Variants in CDH12 observed in about 807,000 individuals in gnomAD.
CDH12 encodes cadherin 12.
Under a neutral mutation model 74.1 loss-of-function variants are expected in CDH12, and 41 were observed. That is an observed-to-expected ratio of 0.55 (90% CI 0.43 to 0.72). CDH12 has a LOEUF of 0.72. CDH12 is among the 30% of genes least tolerant of loss of function. The probability of loss-of-function intolerance (pLI) is 0.00; values close to 1 mark genes in which losing one functional copy is unlikely to be tolerated. For missense variants in CDH12, 945 were observed against 977.2 expected (o/e 0.97, Z 0.44); for synonymous variants, 399 against 355.0 (o/e 1.12, Z -1.39).
intron 2 of CDH12, among the ~76,000 whole-genome samples, chr5:22,473,326 C>T (rs910518485): frequency 2.6e-5 from 4 of 152,102 alleles, no homozygotes; most frequent in African/African-American, 9.7e-5. Flanking sequence ...CACCTATTAA[C>T]ACACACTACA....
intron 3 of CDH12, among the ~76,000 whole-genome samples, chr5:22,368,808 T>TGG (rs1280692274): frequency 7.7e-6 from 1 of 130,308 alleles, no homozygotes; most frequent in Non-Finnish European, 1.8e-5. Flanking sequence ...GGTCTTAGGG[T>TGG]GTGAGCTACC....
chr5:22,705,612 A>G (rs1174227955), intron 1 of CDH12, among the ~76,000 whole-genome samples: 1 of 151,998 alleles, frequency 6.6e-6, no homozygotes, highest in African/African-American at 2.4e-5. Flanking sequence ...ACAATATTAT[A>G]GTATTTTTGG....
intron 1 of CDH12, among the ~76,000 whole-genome samples, chr5:22,813,675 T>C (rs1749254448): frequency 6.6e-6 from 1 of 152,118 alleles, no homozygotes; most frequent in African/African-American, 2.4e-5. Context: ...AAAAGTCATC[T>C]CGGGGTGGCT....
rs138120571 is a variant in CDH12 at position 22,043,651 on chromosome 5, G to C, written c.231+34795C>G. 4.2e-4 allele frequency among the ~76,000 whole-genome samples: 64 copies of C among 151,588 alleles called. 1 individual carries two copies. The highest frequency in any genetic ancestry group is 5.3e-4 in the Non-Finnish European group (36 of 67,912). ...CAAATAGGAAAGCAGAACATTCACT[G>C]TCCCTGTTTGCAGATGACATGATCT... On this transcript the variant is annotated intron_variant, in intron 5 of 14. Transcript: ENST00000382254.
At chr5:22,331,589 A>C (rs1242661609) in intron 3 of CDH12, among the ~76,000 whole-genome samples, 1 of 152,202 alleles carries the variant, frequency 6.6e-6, no homozygotes, top group Admixed American at 6.5e-5. Context: ...CAGGATGTAA[A>C]GACCAGATAT....
intron 5 of CDH12, among the ~76,000 whole-genome samples, chr5:22,026,850 T>C (rs1738394010): frequency 6.6e-6 from 1 of 152,182 alleles, no homozygotes; most frequent in South Asian, 2.1e-4. Context: ...CAGCAAAGGT[T>C]AGAACCTGTA....
At chr5:22,436,490 C>T (rs1340076728) in intron 2 of CDH12, among the ~76,000 whole-genome samples, 4 of 150,758 alleles carry the variant, frequency 2.7e-5, no homozygotes, top group Non-Finnish European at 5.9e-5. Context: ...GAAAAAAAAA[C>T]TCTGCTCCCT....
At chr5:22,438,892 C>T (rs1172151139) in intron 2 of CDH12, among the ~76,000 whole-genome samples, 1 of 151,388 alleles carries the variant, frequency 6.6e-6, no homozygotes, top group Non-Finnish European at 1.5e-5. Context: ...ATTTAATAAT[C>T]TTAATATATA....
At chr5:22,331,194 C>T (rs1739336890) in intron 3 of CDH12, among the ~76,000 whole-genome samples, 1 of 152,120 alleles carries the variant, frequency 6.6e-6, no homozygotes, top group Non-Finnish European at 1.5e-5. Flanking sequence ...TTCCTGGCTG[C>T]CAGATAGCAT....
intron 2 of CDH12, among the ~76,000 whole-genome samples, chr5:22,467,835 A>G (rs1745797334): frequency 6.6e-6 from 1 of 152,208 alleles, no homozygotes; most frequent in Admixed American, 6.5e-5. Flanking sequence ...TGATGGGATC[A>G]TGACTCTTTT....
At chr5:22,413,742 A>G (rs1207136473) in intron 2 of CDH12, among the ~76,000 whole-genome samples, 1 of 152,136 alleles carries the variant, frequency 6.6e-6, no homozygotes, top group African/African-American at 2.4e-5. Flanking sequence ...AAGTTTATTC[A>G]CATTACTTTA....
chr5:22,355,860 T>G (rs1740545202), intron 3 of CDH12, among the ~76,000 whole-genome samples: 1 of 152,160 alleles, frequency 6.6e-6, no homozygotes, highest in Admixed American at 6.6e-5. Flanking sequence ...GGAGTCAAGT[T>G]ATTTATGACT....
chr5:22,221,915 C>T (rs1490039543), intron 3 of CDH12, among the ~76,000 whole-genome samples: 1 of 151,820 alleles, frequency 6.6e-6, no homozygotes, highest in East Asian at 1.9e-4. Flanking sequence ...AAGATGAAAG[C>T]TGGTCTTTTT....
chr5:21,959,938 A>G (rs2150109183), intron 6 of CDH12, among the ~76,000 whole-genome samples: 1 of 150,850 alleles, frequency 6.6e-6, no homozygotes, highest in East Asian at 2.0e-4. Context: ...AAAAAAAAAA[A>G]AAAAAAAGAC....
At chr5:22,314,908 TAAAAGCAG>T (rs1258831360) in intron 3 of CDH12, among the ~76,000 whole-genome samples, 1 of 141,810 alleles carries the variant, frequency 7.1e-6, no homozygotes, top group African/African-American at 2.6e-5. Flanking sequence ...CTCAAGTGGA[TAAAAGCAG>T]AAAAGCAGAG....
At chr5:22,594,136 C>A (rs1054219126) in intron 1 of CDH12, among the ~76,000 whole-genome samples, 1 of 152,114 alleles carries the variant, frequency 6.6e-6, no homozygotes, top group East Asian at 1.9e-4. Flanking sequence ...TAACAGATCC[C>A]TGTTATATTC....
chr5:22,399,515 T>C (rs1458846502), intron 3 of CDH12, among the ~76,000 whole-genome samples: 1 of 152,168 alleles, frequency 6.6e-6, no homozygotes, highest in South Asian at 2.1e-4. Flanking sequence ...ATCTGTTCCA[T>C]TGCCTACTTC....
intron 10 of CDH12, among the ~76,000 whole-genome samples, chr5:21,800,144 T>TTTCACAGCTGGAGA (rs924832193): frequency 2.0e-5 from 3 of 152,158 alleles, no homozygotes; most frequent in African/African-American, 7.2e-5. Flanking sequence ...ATTTATTTGG[T>TTTCACAGCTGGAGA]TTCACAGCTG....
At chr5:22,377,331 A>G (rs144757646) in intron 3 of CDH12, among the ~76,000 whole-genome samples, 93 of 152,138 alleles carry the variant, frequency 6.1e-4, no homozygotes, top group Non-Finnish European at 1.0e-3. Flanking sequence ...AGAGTTTATA[A>G]AAGTTTGGTA....
Sources: allele counts gnomAD v4.1 joint callset (sites outside exome capture counted in the v4.1 genomes callset), GRCh38; gene constraint gnomAD v4.1.1; transcripts MANE v1.5; gene names NCBI Gene and HGNC (gene_info 2026-07-23, HGNC 2026-07-21).